The following RSPH1 variants were observed in gnomAD, a reference collection of about 807,000 sequenced individuals.
RSPH1 encodes radial spoke head 1 homolog.
A neutral mutation model predicts 44.2 loss-of-function variants in RSPH1; 32 were observed. The observed-to-expected ratio is 0.72, with a 90% confidence interval of 0.55 to 0.97. RSPH1 has a LOEUF of 0.97. Ranked by LOEUF, RSPH1 falls within the 50% of genes least tolerant of loss-of-function variation. The pLI, the probability that RSPH1 is intolerant of heterozygous loss-of-function variation, is 0.00. For missense variants in RSPH1, 391 were observed against 398.7 expected, an observed-to-expected ratio of 0.98 and a Z score of 0.16; for synonymous variants, 134 against 147.3, an observed-to-expected ratio of 0.91 and a Z score of 0.65.
At chr21:42,493,208 TCCCAC>T in intron 1 of RSPH1, 129 bp from the exon 2 acceptor site, 4 of 759,558 alleles carry the variant, frequency 5.3e-6, no homozygotes, top group Non-Finnish European at 8.7e-6. Context: ...TACTCAATTG[TCCCAC>T]CTTTCCCACC....
chr21:42,477,059 GCCCCC>G lies in RSPH1; in HGVS notation c.727+227_727+231del, dbSNP rs1568958785. ...AGCCCGGGGGTGCCCCACACCCTCT[GCCCCC>G]TCCACCCCACAGCCCGGGGATGCCC... On this transcript the variant is annotated intron_variant, in intron 7 of 8. Transcript: ENST00000291536. Among the ~76,000 whole-genome samples the G allele has an allele frequency of 3.1e-4, 38 of 123,946 alleles. 1 individual carries two copies. Among genetic ancestry groups the G allele is most frequent in the South Asian group, 5.6e-4 (2 of 3,570 alleles). The allele number at this position is 123,946 out of a possible 152,430, so 81.3% of individuals were successfully genotyped here. A position where few individuals can be genotyped will look rare whatever the true frequency, so the allele number is the denominator to read the frequency against.
intron 8 of RSPH1, among the ~76,000 whole-genome samples, chr21:42,473,591 T>G (rs2054015122): frequency 6.6e-6 from 1 of 152,066 alleles, no homozygotes; most frequent in Non-Finnish European, 1.5e-5. Flanking sequence ...TTAATTAAAC[T>G]CTATAACTTT....
At chr21:42,480,322 A>G (rs2054112621) in intron 6 of RSPH1, among the ~76,000 whole-genome samples, 1 of 152,208 alleles carries the variant, frequency 6.6e-6, no homozygotes, top group African/African-American at 2.4e-5. Flanking sequence ...AACAAACTCT[A>G]GGAAGAAAAA....
Position 42,495,294 on chromosome 21 carries a change from A to G in RSPH1, c.54+839T>C, listed in dbSNP as rs192751309. The stretch of plus-strand genomic sequence containing the variant: ...TAGCAAATCAGGCGGAAGCTGGGAG[A>G]TGAGTGCCCAGAGCTAGCAAAAAGG... On this transcript the variant is annotated intron_variant, in intron 1 of 8. Transcript: ENST00000291536. Among the ~76,000 whole-genome samples, 4 of 152,290 alleles carry G rather than the reference A, an allele frequency of 2.6e-5. No individual in the cohort carries two copies. The East Asian group carries it at 5.8e-4, about 22-fold the overall frequency.
In RSPH1 at chr21:42,485,817, AG is replaced by A; in HGVS notation, c.366-14del. 1 of 1,614,170 alleles carries A rather than the reference AG, an allele frequency of 6.2e-7. No individual in the cohort carries two copies. Among genetic ancestry groups the A allele is most frequent in the Non-Finnish European group, 8.5e-7 (1 of 1,180,028 alleles). On this transcript the variant is annotated splice_polypyrimidine_tract_variant and intron_variant, in intron 4 of 8. Coordinates refer to ENST00000291536, the MANE Select transcript of RSPH1 (RefSeq NM_080860.4). ...GCCTTGCCCATGCCTGGTTAAGACA[AG>A]GGGAACATGGTATTTCGTTCCAGCA...
At chr21:42,489,747 G>A (rs948404624) in intron 3 of RSPH1, among the ~76,000 whole-genome samples, 3 of 151,974 alleles carry the variant, frequency 2.0e-5, no homozygotes, top group Non-Finnish European at 4.4e-5. Context: ...GAAAAGCAGA[G>A]AGACTGCATG....
At chr21:42,477,266 C>A in intron 7 of RSPH1, 25 bp downstream of exon 7, 1 of 1,471,968 alleles carries the variant, frequency 6.8e-7, no homozygotes. Flanking sequence ...CCCCCTCCAC[C>A]CCACAGCCCG....
In RSPH1 at chr21:42,492,857, A is replaced by G; in HGVS notation, c.175T>C (p.Tyr59His). The change falls in exon 3 of 9, where the codon TAC (tyrosine) becomes CAC (histidine). Residue 59 changes from tyrosine to histidine, a missense_variant. Tyr to His is a moderately conservative substitution (Grantham distance 83). Transcript: ENST00000291536. ...EFGKRHGQGI[Y>H]KFKNGARYIG... ...TATCGAGCACCATTTTTAAATTTGT[A>G]GATCCCCTGAAACACATTGATTATA... 1 of 1,610,142 alleles carries G rather than the reference A, an allele frequency of 6.2e-7. No homozygotes were observed. The highest frequency in any genetic ancestry group is 8.5e-7 in the Non-Finnish European group (1 of 1,176,396).
intron 3 of RSPH1, 81 bp downstream of exon 3, chr21:42,492,677 G>T: frequency 1.3e-6 from 1 of 781,898 alleles, no homozygotes. Flanking sequence ...TCTCATACAT[G>T]TCAGTATTCA....
At chr21:42,492,196 C>T (rs1327082196) in intron 3 of RSPH1, among the ~76,000 whole-genome samples, 1 of 152,226 alleles carries the variant, frequency 6.6e-6, no homozygotes. Flanking sequence ...GTGACAACGG[C>T]ACAAGGGGCG....
chr21:42,480,660 A>C (rs1328833304), intron 6 of RSPH1, among the ~76,000 whole-genome samples: 1 of 151,534 alleles, frequency 6.6e-6, no homozygotes, highest in East Asian at 1.9e-4. Flanking sequence ...AAAAAAAAAA[A>C]AAAAAACCTG....
At chr21:42,479,754 C>T (rs1350645062) in intron 6 of RSPH1, among the ~76,000 whole-genome samples, 1 of 151,882 alleles carries the variant, frequency 6.6e-6, no homozygotes, top group African/African-American at 2.4e-5. Context: ...CACACACACA[C>T]ACACACATAA....
At position 42,472,833 on chromosome 21, in the gene RSPH1, T is replaced by C. The variant is rs892665473; in HGVS notation, c.915A>G (p.Ser305=). The change falls in exon 9 of 9, where the codon TCA becomes TCG. Residue 305 remains serine, a synonymous_variant. Coordinates refer to ENST00000291536, the MANE Select transcript of RSPH1 (RefSeq NM_080860.4). ...INSEEEETRQ[S]DLQD is the part of the protein sequence containing the mutation. ...TCACTTCATCTTAGTCCTGGAGGTC[T>C]GACTGTCTAGTTTCTTCTTCTTCAG... 6.2e-7 allele frequency: 1 copy of C among 1,610,408 alleles called. No homozygotes were observed. The highest frequency in any genetic ancestry group is 8.5e-7 in the Non-Finnish European group (1 of 1,176,716).
chr21:42,492,743 G>A lies in RSPH1; in HGVS notation c.274+15C>T, dbSNP rs370179365. On this transcript the variant is annotated intron_variant, in intron 3 of 8. Transcript: ENST00000291536. ...CTTCTGTAACACGAAAATCTGCTTA[G>A]TGATAACATTTTACCTTCATATCTG... is the stretch of plus-strand genomic sequence containing the variant. 10 of 1,477,436 alleles carry A rather than the reference G, an allele frequency of 6.8e-6. No homozygotes were observed. The highest frequency in any genetic ancestry group is 9.4e-6 in the Non-Finnish European group (10 of 1,060,942). The allele number at this position is 1,477,436 out of a possible 1,614,324, so 91.5% of individuals were successfully genotyped here.
Position 42,493,002 on chromosome 21 carries a change from G to A in RSPH1, c.132C>T (p.Tyr44=), listed in dbSNP as rs772915587. 46 of 1,614,024 alleles carry A rather than the reference G, an allele frequency of 2.9e-5. No homozygotes were observed. The highest frequency in any genetic ancestry group is 3.4e-5 in the Non-Finnish European group (40 of 1,180,030). The change falls in exon 2 of 9, where the codon TAC becomes TAT. Residue 44 remains tyrosine (Y), a synonymous_variant. Coordinates refer to ENST00000291536, the MANE Select transcript of RSPH1 (RefSeq NM_080860.4). The part of the protein sequence containing the change: ...GRARLPNGDT[Y]EGSYEFGKRH... ...TTTTACCGAATTCGTAGCTCCCTTC[G>A]TAGGTGTCCCCGTTGGGTAGCCGTG...
Position 42,491,508 on chromosome 21 carries a change from G to A in RSPH1, c.274+1250C>T, listed in dbSNP as rs111910973. Among the ~76,000 whole-genome samples the A allele has an allele frequency of 1.6e-3, 240 of 152,266 alleles. 2 individuals carry two copies. The highest frequency in any genetic ancestry group is 5.4e-3 in the African/African-American group (223 of 41,540). ...CAACATCTACACTAAAATCAAAAGT[G>A]ACAAGAATGAGATTAGGTGCATAAG... On this transcript the variant is annotated intron_variant, in intron 3 of 8. Coordinates refer to ENST00000291536, the MANE Select transcript of RSPH1 (RefSeq NM_080860.4).
At chr21:42,481,260 T>C (rs1334921381) in intron 6 of RSPH1, among the ~76,000 whole-genome samples, 1 of 152,152 alleles carries the variant, frequency 6.6e-6, no homozygotes, top group Admixed American at 6.5e-5. Flanking sequence ...TTTTGAGCTA[T>C]GGTACCAGCT....
intron 8 of RSPH1, among the ~76,000 whole-genome samples, chr21:42,475,524 C>T (rs1349453371): frequency 1.4e-5 from 2 of 147,994 alleles, no homozygotes; most frequent in Non-Finnish European, 3.0e-5. Flanking sequence ...GCCAAGATCG[C>T]ACCACTGTAC....
chr21:42,478,720 A>C (rs1232515372), intron 6 of RSPH1, among the ~76,000 whole-genome samples: 1 of 152,266 alleles, frequency 6.6e-6, no homozygotes, highest in Non-Finnish European at 1.5e-5. Context: ...AACTGAAAAC[A>C]GAGATTCGAC....
Sources: gnomAD v4.1 joint callset for allele counts (sites outside exome capture counted in the v4.1 genomes callset) on GRCh38, gnomAD v4.1.1 for gene constraint, MANE v1.5 for transcripts, NCBI Gene and HGNC (gene_info 2026-07-23, HGNC 2026-07-21) for gene names.